SP3: variants seen among roughly 807,000 people sequenced by gnomAD.
SP3 encodes the protein Sp3 transcription factor.
In SP3, 10 loss-of-function variants were observed where a neutral mutation model predicts 70.3. The observed-to-expected ratio is 0.14, with a 90% CI of 0.09 to 0.24. The LOEUF (loss-of-function observed/expected upper bound fraction) is 0.24. Ranked by LOEUF, SP3 falls within the 10% of genes least tolerant of loss-of-function variation. The pLI, the probability that SP3 is intolerant of heterozygous loss-of-function variation, is 1.00. For missense variants in SP3, 825 were observed against 914.6 expected (o/e 0.90, Z 1.26); for synonymous variants, 402 against 333.5 (o/e 1.21, Z -2.24).
chr2:173,948,872 A>G (rs886705957), intron 4 of SP3, among the ~76,000 whole-genome samples: 2 of 152,200 alleles, frequency 1.3e-5, no homozygotes, highest in Admixed American at 1.3e-4. Flanking sequence ...AAATTTAAAG[A>G]CCATAGCATG....
chr2:173,915,418 G>A (rs1464167451), intron 5 of SP3: 1 of 152,050 alleles, frequency 6.6e-6, no homozygotes, highest in Non-Finnish European at 1.5e-5. Context: ...ACAAAGTTCA[G>A]GAATAAAAGA....
At position 173,906,331 on chromosome 2, in the gene SP3, G is replaced by A. The variant is rs998714303; in HGVS notation, c.*3610C>T. 1 of 152,076 alleles carries A rather than the reference G, an allele frequency of 6.6e-6. No individual in the cohort carries two copies. The highest frequency in any genetic ancestry group is 2.4e-5 in the African/African-American group (1 of 41,404). 9.4% of individuals were successfully genotyped at this position (152,076 alleles called of 1,614,324 possible). On this transcript the variant is annotated 3_prime_UTR_variant, in exon 7 of 7. Transcript: ENST00000310015. ...CTGAACAAGGCAAGGGGCCAATGTT[G>A]TTTCTTCAACACTAAATAAAATTAT...
chr2:173,931,801 C>G (rs1690075162), intron 4 of SP3, among the ~76,000 whole-genome samples: 1 of 152,202 alleles, frequency 6.6e-6, no homozygotes, highest in African/African-American at 2.4e-5. Context: ...ACTTCCAACT[C>G]TTTCTGCAGC....
At chr2:173,961,262 C>T (rs1559111828) in intron 3 of SP3, among the ~76,000 whole-genome samples, 1 of 152,210 alleles carries the variant, frequency 6.6e-6, no homozygotes, top group Non-Finnish European at 1.5e-5. Context: ...TAACCAAACA[C>T]CCTTGGCTAG....
chr2:173,913,112 T>C lies in SP3; in HGVS notation c.1987A>G (p.Thr663Ala), dbSNP rs1459321669. The C allele has an allele frequency of 6.2e-7, 1 of 1,611,518 alleles. No individual in the cohort carries two copies. ...CNWMYCGKRFTRSDELQRHRR... is the reference protein window; with the variant it reads ...CNWMYCGKRFARSDELQRHRR... The stretch of plus-strand genomic sequence containing the variant: ...TGCCTCTGTAATTCATCACTTCGAG[T>C]AAATCTTTTACCACAGTACATCCAG... Residue 663 changes from threonine to alanine, a missense_variant, in exon 6 of 7, where the codon ACT becomes GCT. Physicochemically the swap from Thr to Ala is moderately conservative, Grantham distance 58 (BLOSUM62 0). Around this residue, in one of 4 missense-constraint regions of SP3, gnomAD observed 19 missense variants for 99.4 expected, o/e 0.19. Coordinates refer to ENST00000310015, the MANE Select transcript of SP3 (RefSeq NM_003111.5).
At chr2:173,920,580 T>A (rs951546546) in intron 4 of SP3, among the ~76,000 whole-genome samples, 6 of 152,058 alleles carry the variant, frequency 3.9e-5, no homozygotes, top group Admixed American at 3.3e-4. Flanking sequence ...ACTAAGCATC[T>A]CAACTGCTCT....
intron 4 of SP3, among the ~76,000 whole-genome samples, chr2:173,939,860 C>T (rs1457498529): frequency 1.3e-5 from 2 of 148,944 alleles, no homozygotes; most frequent in Non-Finnish European, 3.0e-5. Context: ...TTTGTTAATG[C>T]ACCAGAAAGG....
At chr2:173,931,360 T>TGTTGTTTC (rs1361392833) in intron 4 of SP3, among the ~76,000 whole-genome samples, 5 of 152,254 alleles carry the variant, frequency 3.3e-5, no homozygotes, top group African/African-American at 1.2e-4. Context: ...GTTGTTGTTT[T>TGTTGTTTC]TGAGATGGAG....
chr2:173,965,406 C>T (rs1395998376), upstream of SP3: 8 of 559,618 alleles, frequency 1.4e-5, no homozygotes, highest in Non-Finnish European at 1.6e-5. Context: ...CTCTTCTTGG[C>T]TCTCATTCGC....
At chr2:173,943,828 G>T (rs940544993) in intron 4 of SP3, among the ~76,000 whole-genome samples, 4 of 152,124 alleles carry the variant, frequency 2.6e-5, no homozygotes, top group Admixed American at 6.5e-5. Flanking sequence ...TACATCATTA[G>T]GCGATTTCAT....
At position 173,903,731 on chromosome 2, in the gene SP3, A is replaced by G. The variant is rs1224115661; in HGVS notation, c.*6210T>C. Reference sequence around the variant, plus strand: ...CAAGACCAACCACAGATAAAGATACAGCCATCTGTTAAGAGGGCGTCCTGA... The same window carrying G: ...CAAGACCAACCACAGATAAAGATACGGCCATCTGTTAAGAGGGCGTCCTGA... On this transcript the variant is annotated 3_prime_UTR_variant, in exon 7 of 7. Transcript: ENST00000310015. Among the ~76,000 whole-genome samples the G allele has an allele frequency of 6.6e-6, 1 of 152,200 alleles. No homozygotes were observed.
At position 173,931,344 on chromosome 2, in the gene SP3, T is replaced by TTTGTTGTTGTTG. The variant is rs111299743; in HGVS notation, c.1640-12571_1640-12560dup. On this transcript the variant is annotated intron_variant, in intron 4 of 6. Transcript: ENST00000310015. ...AGGAGTTCGAGACCAGCCTGGCATT[T>TTTGTTGTTGTTG]TTGTTGTTGTTGTTTTTGAGATGGA... Among the ~76,000 whole-genome samples, 500 of 151,374 alleles carry TTTGTTGTTGTTG rather than the reference T, an allele frequency of 3.3e-3. 3 individuals are homozygous for TTTGTTGTTGTTG. Among genetic ancestry groups the TTTGTTGTTGTTG allele is most frequent in the African/African-American group, 0.012 (475 of 41,192 alleles).
chr2:173,953,992 T>C (rs1690800195), intron 4 of SP3, among the ~76,000 whole-genome samples: 2 of 152,220 alleles, frequency 1.3e-5, no homozygotes, highest in African/African-American at 4.8e-5. Context: ...TGATGGGAGT[T>C]ATGTCAATCA....
intron 1 of SP3, chr2:173,964,814 C>T: frequency 2.1e-6 from 1 of 470,744 alleles, no homozygotes. Flanking sequence ...GCCCCCTCTC[C>T]TCTCCTCCCC....
intron 5 of SP3, chr2:173,916,933 A>G (rs1689631705): frequency 6.6e-6 from 1 of 152,116 alleles, no homozygotes. Context: ...ATAGACTTGA[A>G]AATATGGTCA....
At chr2:173,962,290 A>G (rs1399252881) in intron 3 of SP3, among the ~76,000 whole-genome samples, 2 of 152,236 alleles carry the variant, frequency 1.3e-5, no homozygotes, top group African/African-American at 2.4e-5. Flanking sequence ...AATTACAGTT[A>G]CAAGAAAAGT....
chr2:173,960,488 A>G (rs1288395465), intron 3 of SP3, among the ~76,000 whole-genome samples: 6 of 152,254 alleles, frequency 3.9e-5, no homozygotes, highest in African/African-American at 1.4e-4. Context: ...AAGAACTCAG[A>G]CTTCAAATAG....
At position 173,964,485 on chromosome 2, in the gene SP3, C is replaced by CGCT. The variant is rs757176337; in HGVS notation, c.75_76insAGC (p.Gly25_Gly26insSer). 1.3e-5 allele frequency: 9 copies of CGCT among 705,412 alleles called. No individual in the cohort carries two copies. In the African/African-American group the frequency reaches 1.3e-4, roughly 10 times the overall value. 43.7% of individuals were successfully genotyped at this position (705,412 alleles called of 1,614,324 possible). A position where few individuals can be genotyped will look rare whatever the true frequency, so the allele number is the denominator to read the frequency against. On this transcript the variant is annotated inframe_insertion, in exon 2 of 7. Transcript: ENST00000310015. Reference sequence around the variant, plus strand: ...AGATACTCGCCGTGGCCGCCGCCGCCGCCACCGCCGCCGCCGCTATCCACG... The same window carrying CGCT: ...AGATACTCGCCGTGGCCGCCGCCGCCGCTGCCACCGCCGCCGCCGCTATCCACG...
At position 173,965,263 on chromosome 2, in the gene SP3, G is replaced by GGCGGCGGACACGGCCGGA; in HGVS notation, c.-110_-93dup. ...GGCGGCGGGAGAGGATGCGGGAAGCGGCGGCGGACACGGCCGGAGCGGTCC... is the reference window on the plus strand; with the variant it reads ...GGCGGCGGGAGAGGATGCGGGAAGCGGCGGCGGACACGGCCGGAGCGGCGGACACGGCCGGAGCGGTCC... On this transcript the variant is annotated 5_prime_UTR_variant, in exon 1 of 7. Coordinates refer to ENST00000310015, the MANE Select transcript of SP3 (RefSeq NM_003111.5). 1 of 1,442,984 alleles carries GGCGGCGGACACGGCCGGA rather than the reference G, an allele frequency of 6.9e-7. No homozygotes were observed. The highest frequency in any genetic ancestry group is 9.5e-7 in the Non-Finnish European group (1 of 1,052,918). 89.4% of individuals were successfully genotyped at this position (1,442,984 alleles called of 1,614,324 possible). A position where few individuals can be genotyped will look rare whatever the true frequency, so the allele number is the denominator to read the frequency against.
Sources: gnomAD v4.1 joint callset for allele counts (sites outside exome capture counted in the v4.1 genomes callset) on GRCh38, gnomAD v4.1.1 for gene constraint, gnomAD v4.1.1 regional missense constraint, MANE v1.5 for transcripts, NCBI Gene and HGNC (gene_info 2026-07-23, HGNC 2026-07-21) for gene names.